Variants in ZNF407 observed in about 807,000 individuals in gnomAD.
The protein encoded by ZNF407 is zinc finger protein 407.
ZNF407 carries 17 observed loss-of-function variants against 131.2 expected under a neutral mutation model. The ratio of observed to expected loss-of-function variants is 0.13; its 90% CI spans 0.09 to 0.19. ZNF407 has a LOEUF of 0.19. Among genes scored for constraint, ZNF407 ranks in the 10% least tolerant of loss-of-function variants. The pLI is 1.00. For synonymous variants in ZNF407, 1,156 were observed against 1,062.0 expected (o/e 1.09, Z -1.72); for missense variants, 2,681 against 2,830.6 (o/e 0.95, Z 1.20).
At chr18:75,054,896 C>T (rs1353612290) in intron 8 of ZNF407, among the ~76,000 whole-genome samples, 1 of 152,236 alleles carries the variant, frequency 6.6e-6, no homozygotes, top group African/African-American at 2.4e-5. Context: ...GGCTCCCCCC[C>T]ATACAAAGCC....
chr18:74,729,765 A>G (rs549528005), intron 3 of ZNF407, among the ~76,000 whole-genome samples: 3 of 152,302 alleles, frequency 2.0e-5, no homozygotes, highest in East Asian at 1.9e-4. Context: ...TTTATTCAGT[A>G]TAAATATAAG....
chr18:74,749,989 G>T (rs970041817), intron 3 of ZNF407, among the ~76,000 whole-genome samples: 3 of 152,122 alleles, frequency 2.0e-5, no homozygotes, highest in Non-Finnish European at 4.4e-5. Context: ...CAAAGTATGA[G>T]GTTGGTGCAA....
At chr18:74,681,408 A>G (rs1056445884) in intron 3 of ZNF407, among the ~76,000 whole-genome samples, 5 of 151,980 alleles carry the variant, frequency 3.3e-5, no homozygotes, top group Non-Finnish European at 7.4e-5. Flanking sequence ...ACACCTGGCT[A>G]AGTTTTAAAT....
intron 8 of ZNF407, among the ~76,000 whole-genome samples, chr18:75,032,801 C>G (rs899493964): frequency 6.9e-5 from 8 of 115,762 alleles, no homozygotes; most frequent in South Asian, 2.7e-4. Flanking sequence ...ATAACTAAGA[C>G]TGCTCAGAAT....
At chr18:74,712,477 C>T (rs1413081596) in intron 3 of ZNF407, among the ~76,000 whole-genome samples, 4 of 152,180 alleles carry the variant, frequency 2.6e-5, no homozygotes, top group South Asian at 2.1e-4. Flanking sequence ...TTTGGTTAGT[C>T]CTTTTCCCAG....
chr18:74,897,589 T>A (rs371057010), intron 7 of ZNF407, among the ~76,000 whole-genome samples: 1 of 152,194 alleles, frequency 6.6e-6, no homozygotes, highest in Non-Finnish European at 1.5e-5. Flanking sequence ...TATCTGTATA[T>A]ATTGTGGAAG....
chr18:74,650,856 G>A lies in ZNF407; in HGVS notation c.4802+9734G>A, dbSNP rs376828629. On this transcript the variant is annotated intron_variant, in intron 3 of 8. Transcript: ENST00000299687. ...GCACTAATGATTATACTGTGATAGA[G>A]AGCATAATAAATTATTGAGAACTAC... 9.9e-5 allele frequency among the ~76,000 whole-genome samples: 15 copies of A among 152,264 alleles called. No homozygotes were observed. In the South Asian group the frequency reaches 2.3e-3, roughly 23 times the overall value.
intron 3 of ZNF407, among the ~76,000 whole-genome samples, chr18:74,739,750 C>G (rs1317602765): frequency 6.6e-6 from 1 of 151,892 alleles, no homozygotes; most frequent in Non-Finnish European, 1.5e-5. Flanking sequence ...TAAAAAAATG[C>G]TCATTTAAAA....
chr18:74,769,599 T>A (rs1969318808), intron 3 of ZNF407, among the ~76,000 whole-genome samples: 1 of 152,220 alleles, frequency 6.6e-6, no homozygotes, highest in African/African-American at 2.4e-5. Context: ...CAAAATTCAT[T>A]GTATTTTTTA....
chr18:74,830,377 G>A (rs551766045), intron 4 of ZNF407, among the ~76,000 whole-genome samples: 79 of 152,198 alleles, frequency 5.2e-4, no homozygotes, highest in East Asian at 1.7e-3. Context: ...TGACCTCCCC[G>A]ACTCAAGTGG....
Position 74,967,358 on chromosome 18 carries a change from C to G in ZNF407, c.5428+46666C>G, listed in dbSNP as rs531031917. Reference sequence around the variant, plus strand: ...TAAATGACATTAAAAATTCTAAATACTATCATTTAAATTGTTGTCAGTGGC... The same window carrying G: ...TAAATGACATTAAAAATTCTAAATAGTATCATTTAAATTGTTGTCAGTGGC... On this transcript the variant is annotated intron_variant, in intron 8 of 8. Transcript: ENST00000299687. Among the ~76,000 whole-genome samples, 60 of 152,326 alleles carry G rather than the reference C, an allele frequency of 3.9e-4. 2 individuals carry two copies. The South Asian group carries it at 0.012, about 31-fold the overall frequency.
intron 4 of ZNF407, among the ~76,000 whole-genome samples, chr18:74,868,253 A>G (rs2145168966): frequency 6.6e-6 from 1 of 152,332 alleles, no homozygotes; most frequent in East Asian, 1.9e-4. Context: ...ACTTGGCCAC[A>G]TGTTAGAACG....
At chr18:74,755,582 GTTTT>G (rs541126314) in intron 3 of ZNF407, among the ~76,000 whole-genome samples, 11 of 87,336 alleles carry the variant, frequency 1.3e-4, no homozygotes, top group African/African-American at 5.7e-4. Flanking sequence ...CTCCTTTCTG[GTTTT>G]TTTTTTTTTT....
chr18:74,915,339 T>TGTGTGTGTGC (rs1555699554), intron 7 of ZNF407, among the ~76,000 whole-genome samples: 16 of 150,550 alleles, frequency 1.1e-4, no homozygotes, highest in African/African-American at 3.7e-4. Flanking sequence ...TGTGTGTGTG[T>TGTGTGTGTGC]GTGTGTGTGT....
chr18:74,859,079 T>C (rs1317871995), intron 4 of ZNF407, among the ~76,000 whole-genome samples: 1 of 152,176 alleles, frequency 6.6e-6, no homozygotes, highest in Admixed American at 6.5e-5. Context: ...GGTTATGAAG[T>C]GTGGTACATA....
chr18:74,937,967 A>G (rs1310246324), intron 8 of ZNF407, among the ~76,000 whole-genome samples: 3 of 152,314 alleles, frequency 2.0e-5, no homozygotes, highest in East Asian at 1.9e-4. Context: ...CACAATACCC[A>G]TGGCTCACAT....
chr18:74,623,008 C>G (rs1043362533), intron 1 of ZNF407, among the ~76,000 whole-genome samples: 1 of 146,644 alleles, frequency 6.8e-6, no homozygotes, highest in Non-Finnish European at 1.5e-5. Flanking sequence ...GTCTGTTAGT[C>G]TGAATGTGAG....
Position 74,679,352 on chromosome 18 carries a change from T to C in ZNF407, c.4802+38230T>C, listed in dbSNP as rs141241949. On this transcript the variant is annotated intron_variant, in intron 3 of 8. Transcript: ENST00000299687. The stretch of plus-strand genomic sequence containing the variant: ...CTTACTGCATTTCAAACTGGACTTG[T>C]CCAACATGATCCCGTTCTCTTTCTA... 2.0e-5 allele frequency among the ~76,000 whole-genome samples: 3 copies of C among 152,322 alleles called. No individual in the cohort carries two copies. The East Asian group carries it at 5.8e-4, about 29-fold the overall frequency.
intron 3 of ZNF407, among the ~76,000 whole-genome samples, chr18:74,743,997 A>G (rs1238819096): frequency 1.3e-5 from 2 of 152,198 alleles, no homozygotes; most frequent in Non-Finnish European, 2.9e-5. Context: ...AATGTACTAC[A>G]TAAGACATTC....
Sources: gnomAD v4.1 joint callset for allele counts (sites outside exome capture counted in the v4.1 genomes callset) on GRCh38, gnomAD v4.1.1 for gene constraint, MANE v1.5 for transcripts, NCBI Gene and HGNC (gene_info 2026-07-23, HGNC 2026-07-21) for gene names.